Variants in MAP7 observed in about 807,000 individuals in gnomAD.
MAP7 encodes the protein microtubule associated protein 7, also known as ensconsin.
A neutral mutation model predicts 94.8 loss-of-function variants in MAP7; 52 were observed. The observed-to-expected ratio is 0.55, with a 90% CI of 0.44 to 0.69. The LOEUF is 0.69. Among genes scored for constraint, MAP7 ranks in the 30% least tolerant of loss-of-function variants. The probability of loss-of-function intolerance (pLI) is 0.00; values close to 1 mark genes in which losing one functional copy is unlikely to be tolerated. For missense variants in MAP7, 940 were observed against 964.6 expected, an observed-to-expected ratio of 0.97 and a Z score of 0.34; for synonymous variants, 350 against 357.0, an observed-to-expected ratio of 0.98 and a Z score of 0.22.
At chr6:136,409,838 T>C (rs1336845868) in intron 3 of MAP7, among the ~76,000 whole-genome samples, 2 of 152,248 alleles carry the variant, frequency 1.3e-5, no homozygotes, top group Non-Finnish European at 2.9e-5. Flanking sequence ...ATCTTTTAAA[T>C]ACAATATATG....
intron 1 of MAP7, among the ~76,000 whole-genome samples, chr6:136,439,086 G>A (rs530813062): frequency 1.3e-5 from 2 of 152,246 alleles, no homozygotes; most frequent in Admixed American, 6.5e-5. Context: ...ACCTGCTATG[G>A]TTTGAATGTG....
chr6:136,377,349 A>T (rs190594108), intron 7 of MAP7, among the ~76,000 whole-genome samples: 3 of 152,364 alleles, frequency 2.0e-5, no homozygotes, highest in Admixed American at 2.0e-4. Flanking sequence ...ATGAAACTAT[A>T]TGCTGAAATA....
intron 10 of MAP7, chr6:136,364,159 C>T: frequency 2.1e-6 from 1 of 470,224 alleles, no homozygotes; most frequent in Non-Finnish European, 4.2e-6. Flanking sequence ...CGCCTGCATT[C>T]TGCATAAGGC....
In MAP7 at chr6:136,372,501, C is replaced by A; in HGVS notation, c.876G>T (p.Ala292=). Residue 292 remains alanine (A), a splice_region_variant and synonymous_variant, in exon 8 of 18, where the codon GCG becomes GCT. Transcript: ENST00000354570. ...SSRRRIIHGT[A]SYKKEREREN... ...CCAGCTGCTCCCAACAGCTACTCAC[C>A]GCTGTGCCATGAATGATCCTCCTGC... is the stretch of plus-strand genomic sequence containing the variant. The A allele has an allele frequency of 6.2e-7, 1 of 1,613,926 alleles. No homozygotes were observed. Among genetic ancestry groups the A allele is most frequent in the Non-Finnish European group, 8.5e-7 (1 of 1,180,008 alleles).
At chr6:136,403,979 G>C (rs936504288) in intron 3 of MAP7, among the ~76,000 whole-genome samples, 3 of 152,150 alleles carry the variant, frequency 2.0e-5, no homozygotes, top group Non-Finnish European at 4.4e-5. Flanking sequence ...GCTGAGACTG[G>C]TAACAGATAT....
rs1188588045 is a variant in MAP7 at position 136,343,578 on chromosome 6, T to A, written c.*650A>T. ...TTATGTAAGAGGGCAGTAAATTATT[T>A]TCTTGCTTTGAAAAAATAATGTTTT... On this transcript the variant is annotated 3_prime_UTR_variant, in exon 18 of 18. Transcript: ENST00000354570. 1 of 152,476 alleles carries A rather than the reference T, an allele frequency of 6.6e-6. No individual in the cohort carries two copies. Among genetic ancestry groups the A allele is most frequent in the Non-Finnish European group, 1.5e-5 (1 of 68,032 alleles). The allele number at this position is 152,476 out of a possible 1,614,324, so 9.4% of individuals were successfully genotyped here.
Position 136,389,471 on chromosome 6 carries a change from C to G in MAP7, c.291G>C (p.Gln97His). Residue 97 changes from glutamine to histidine, a missense_variant, in exon 4 of 18, where the codon CAG becomes CAC. Coordinates refer to ENST00000354570, the MANE Select transcript of MAP7 (RefSeq NM_003980.6). Reference sequence around the variant, plus strand: ...GCTCTTCCAGGTGCTTCTCGTAGTGCTGCCTGGCTCGCTCTTCTCTTTCTA... The same window carrying G: ...GCTCTTCCAGGTGCTTCTCGTAGTGGTGCCTGGCTCGCTCTTCTCTTTCTA... ...VWLEREERARQHYEKHLEERK... is the reference protein window; with the variant it reads ...VWLEREERARHHYEKHLEERK... 6.2e-7 allele frequency: 1 copy of G among 1,610,440 alleles called. No homozygotes were observed. Among genetic ancestry groups the G allele is most frequent in the Non-Finnish European group, 8.5e-7 (1 of 1,179,014 alleles).
chr6:136,466,943 G>T, intron 1 of MAP7: 1 of 1,382,424 alleles, frequency 7.2e-7, no homozygotes, highest in Non-Finnish European at 9.4e-7. Flanking sequence ...CAAGAGGAGA[G>T]CAAAGGGTGG....
At chr6:136,389,602 T>C in intron 3 of MAP7, 85 bp from the exon 4 acceptor site, 1 of 1,247,468 alleles carries the variant, frequency 8.0e-7, no homozygotes, top group Non-Finnish European at 1.1e-6. Context: ...CTGTATTAAG[T>C]GGTCTACAAT....
intron 1 of MAP7, chr6:136,526,244 T>A (rs979517093): frequency 8.6e-7 from 1 of 1,167,732 alleles, no homozygotes; most frequent in Non-Finnish European, 1.1e-6. Flanking sequence ...CGCTGGTGAT[T>A]GCTCCGGCTC....
In MAP7 at chr6:136,361,117, T is replaced by G. The variant is rs1215601995; in HGVS notation, c.1589A>C (p.Glu530Ala). 2 of 1,601,564 alleles carry G rather than the reference T, an allele frequency of 1.2e-6. No individual in the cohort carries two copies. The highest frequency in any genetic ancestry group is 1.7e-6 in the Non-Finnish European group (2 of 1,176,250). ...CTGCTCGGCTTCCAGCCTGCGCGACTCCTCCTCACGGCGAGTCGTCCTCTC... is the reference window on the plus strand; with the variant it reads ...CTGCTCGGCTTCCAGCCTGCGCGACGCCTCCTCACGGCGAGTCGTCCTCTC... ...AEERTTRREE[E>A]SRRLEAEQAR... is the part of the protein sequence containing the mutation. Residue 530 changes from glutamate to alanine, a missense_variant, in exon 12 of 18, where the codon GAG becomes GCG. By Grantham distance (107) the Glu-to-Ala change is moderately radical (BLOSUM62 -1). Transcript: ENST00000354570.
At chr6:136,369,164 T>G (rs753431629) in intron 8 of MAP7, among the ~76,000 whole-genome samples, 22 of 152,206 alleles carry the variant, frequency 1.4e-4, no homozygotes, top group Non-Finnish European at 3.1e-4. Context: ...TTGAGTGTCA[T>G]GTTGGTATTC....
Position 136,377,677 on chromosome 6 carries a change from A to G in MAP7, c.751+78T>C, listed in dbSNP as rs1776580285. 22 of 1,093,066 alleles carry G rather than the reference A, an allele frequency of 2.0e-5. No individual in the cohort carries two copies. The South Asian group carries it at 2.7e-4, about 13-fold the overall frequency. 67.7% of individuals were successfully genotyped at this position (1,093,066 alleles called of 1,614,324 possible). On this transcript the variant is annotated intron_variant, in intron 7 of 17. Transcript: ENST00000354570. ...AAGAGAGAAGCGCATTTTAGGAAAA[A>G]GTGAGATGTGATTAGACGAATATGC...
intron 2 of MAP7, among the ~76,000 whole-genome samples, chr6:136,420,806 T>G (rs1461440213): frequency 1.2e-5 from 1 of 81,748 alleles, no homozygotes; most frequent in Non-Finnish European, 2.5e-5. Flanking sequence ...GTTCAAGACC[T>G]TTTCCACATG....
intron 1 of MAP7, among the ~76,000 whole-genome samples, chr6:136,537,301 T>C (rs972738400): frequency 8.5e-5 from 13 of 152,348 alleles, no homozygotes; most frequent in African/African-American, 2.9e-4. Context: ...AATGCCAACC[T>C]AGGGCTCTTC....
chr6:136,371,835 G>A (rs1403014890), intron 8 of MAP7, among the ~76,000 whole-genome samples: 2 of 152,170 alleles, frequency 1.3e-5, no homozygotes, highest in African/African-American at 2.4e-5. Flanking sequence ...TTACCTCATT[G>A]CATTTATAGC....
At chr6:136,396,433 T>A (rs1782495775) in intron 3 of MAP7, among the ~76,000 whole-genome samples, 2 of 152,192 alleles carry the variant, frequency 1.3e-5, no homozygotes, top group African/African-American at 4.8e-5. Context: ...AATTAATTTA[T>A]CCATACTTAG....
rs766886454 is a variant in MAP7 at position 136,365,809 on chromosome 6, C to T, written c.1199G>A (p.Gly400Asp). 3.7e-6 allele frequency: 6 copies of T among 1,613,996 alleles called. No individual in the cohort carries two copies. The highest frequency in any genetic ancestry group is 3.3e-5 in the Admixed American group (2 of 60,000). ...QKVANEPSLKGRAPLVKVEEA... is the reference protein window; with the variant it reads ...QKVANEPSLKDRAPLVKVEEA... Reference sequence around the variant, plus strand: ...TTCTACCTTCACTAAAGGTGCTCTGCCCTTTAGTGAGGGCTCATTGGCAAC... The same window carrying T: ...TTCTACCTTCACTAAAGGTGCTCTGTCCTTTAGTGAGGGCTCATTGGCAAC... The change falls in exon 10 of 18, where the codon GGC (glycine) becomes GAC (aspartate). Residue 400 changes from glycine (G) to aspartate (D), a missense_variant. Gly to Asp is a moderately conservative substitution (Grantham distance 94). Transcript: ENST00000354570.
chr6:136,546,365 C>G (rs1208831889), intron 1 of MAP7, among the ~76,000 whole-genome samples: 3 of 151,744 alleles, frequency 2.0e-5, no homozygotes, highest in Admixed American at 1.3e-4. Flanking sequence ...CCTCCCACCC[C>G]CTACCCCCAC....
Sources: gnomAD v4.1 joint callset for allele counts (sites outside exome capture counted in the v4.1 genomes callset) on GRCh38, gnomAD v4.1.1 for gene constraint, MANE v1.5 for transcripts, NCBI Gene and HGNC (gene_info 2026-07-23, HGNC 2026-07-21) for gene names.